Variants in GALNT9 observed in about 807,000 individuals in gnomAD.
The protein encoded by GALNT9 is polypeptide N-acetylgalactosaminyltransferase 9, also known as GalNAc transferase 9.
In GALNT9, 47 loss-of-function variants were observed where a neutral mutation model predicts 63.1. The ratio of observed to expected loss-of-function variants is 0.75; its 90% CI spans 0.59 to 0.95. The LOEUF (loss-of-function observed/expected upper bound fraction) is 0.95. Ranked by LOEUF, GALNT9 falls within the 40% of genes least tolerant of loss-of-function variation. GALNT9 has a pLI of 0.00. For synonymous variants in GALNT9, 396 were observed against 365.7 expected (o/e 1.08, Z -0.94); for missense variants, 829 against 874.8 (o/e 0.95, Z 0.66).
At chr12:132,204,540 C>A (rs1406459442) in intron 6 of GALNT9, among the ~76,000 whole-genome samples, 1 of 152,278 alleles carries the variant, frequency 6.6e-6, no homozygotes, top group Non-Finnish European at 1.5e-5. Flanking sequence ...TGGGTCCTCC[C>A]CTGCCTTCAG....
At chr12:132,251,597 C>G (rs1364893676) in intron 5 of GALNT9, among the ~76,000 whole-genome samples, 1 of 152,240 alleles carries the variant, frequency 6.6e-6, no homozygotes, top group Non-Finnish European at 1.5e-5. Context: ...GGAGAGGTCT[C>G]AGGGACAGCA....
At chr12:132,226,298 C>T (rs982973277) in intron 6 of GALNT9, among the ~76,000 whole-genome samples, 11 of 148,864 alleles carry the variant, frequency 7.4e-5, no homozygotes, top group Admixed American at 2.0e-4. Flanking sequence ...CTCATACACA[C>T]CATATACACG....
intron 1 of GALNT9, among the ~76,000 whole-genome samples, chr12:132,297,474 A>G (rs1555243365): frequency 6.6e-6 from 1 of 151,240 alleles, no homozygotes; most frequent in Non-Finnish European, 1.5e-5. Flanking sequence ...TGAGATGACC[A>G]AGTCACTCCT....
At position 132,326,704 on chromosome 12, in the gene GALNT9, C is replaced by T. The variant is rs1420720642; in HGVS notation, c.238+2262G>A. Among the ~76,000 whole-genome samples, 2 of 152,326 alleles carry T rather than the reference C, an allele frequency of 1.3e-5. 1 individual carries two copies. Among genetic ancestry groups the T allele is most frequent in the South Asian group, 4.1e-4 (2 of 4,828 alleles). The stretch of plus-strand genomic sequence containing the variant: ...GATTTCCCCCTCTCCTTTCTGAACT[C>T]GGATGGATTAGTATCGAGTGGGAGC... On this transcript the variant is annotated intron_variant, in intron 1 of 10. Coordinates refer to ENST00000328957, the MANE Select transcript of GALNT9 (RefSeq NM_001122636.2).
chr12:132,285,355 C>A (rs529308871), intron 2 of GALNT9, among the ~76,000 whole-genome samples: 3 of 152,260 alleles, frequency 2.0e-5, no homozygotes, highest in Non-Finnish European at 2.9e-5. Context: ...GCTGGCCAAG[C>A]CTGCCAGTCG....
In GALNT9 at chr12:132,260,976, C is replaced by A; in HGVS notation, c.733G>T (p.Asp245Tyr). The change falls in exon 4 of 11, where the codon GAT becomes TAT. Residue 245 changes from aspartate to tyrosine, a missense_variant. Transcript: ENST00000328957. ...AATAPVVGFF[D>Y]AHVEFNTGWA... Reference sequence around the variant, plus strand: ...CCCGTGTTGAACTCGACGTGGGCATCAAAGAAGCCGACGACTGGGGCGGTG... The same window carrying A: ...CCCGTGTTGAACTCGACGTGGGCATAAAAGAAGCCGACGACTGGGGCGGTG... 6.5e-7 allele frequency: 1 copy of A among 1,547,498 alleles called. No individual in the cohort carries two copies. Among genetic ancestry groups the A allele is most frequent in the Admixed American group, 2.0e-5 (1 of 49,842 alleles).
At chr12:132,230,942 GA>G (rs1168231510) in intron 6 of GALNT9, among the ~76,000 whole-genome samples, 1 of 152,220 alleles carries the variant, frequency 6.6e-6, no homozygotes, top group Non-Finnish European at 1.5e-5. Flanking sequence ...CTGGGCACTG[GA>G]AAAGTAGTGA....
intron 1 of GALNT9, among the ~76,000 whole-genome samples, chr12:132,318,030 C>A (rs1466750501): frequency 1.3e-5 from 2 of 152,156 alleles, no homozygotes; most frequent in African/African-American, 4.8e-5. Flanking sequence ...CACTTGAGCT[C>A]AGGAGTTCGA....
chr12:132,294,763 C>T (rs573960918), intron 1 of GALNT9, among the ~76,000 whole-genome samples: 17 of 97,918 alleles, frequency 1.7e-4, no homozygotes, highest in South Asian at 8.5e-4. Context: ...TTCCCAGTCA[C>T]GTTCCCTGGA....
intron 6 of GALNT9, chr12:132,247,685 C>T (rs781816024): frequency 1.3e-5 from 9 of 674,348 alleles, no homozygotes; most frequent in African/African-American, 8.5e-5. Context: ...ATGCCGTGGC[C>T]GCACTCGCCC....
chr12:132,259,447 T>C (rs1248579215), intron 4 of GALNT9, among the ~76,000 whole-genome samples: 4 of 152,050 alleles, frequency 2.6e-5, no homozygotes, highest in African/African-American at 9.7e-5. Flanking sequence ...CAGAAGCTGA[T>C]AAACATCGAG....
At position 132,319,372 on chromosome 12, in the gene GALNT9, C is replaced by T; in HGVS notation, c.238+9594G>A. On this transcript the variant is annotated intron_variant, in intron 1 of 10. Transcript: ENST00000328957. This position sits in a 1 kb window ranked among gnomAD's most constrained non-coding sequence, Gnocchi z 5.2. The stretch of plus-strand genomic sequence containing the variant: ...GAGCTGAGACCTCCCTCTGCTCCTG[C>T]CTGTGGACATCGGGTGGAGCTGCCA... 6.6e-6 allele frequency among the ~76,000 whole-genome samples: 1 copy of T among 152,270 alleles called. No homozygotes were observed. The highest frequency in any genetic ancestry group is 1.5e-5 in the Non-Finnish European group (1 of 68,010).
At position 132,244,251 on chromosome 12, in the gene GALNT9, G is replaced by T. The variant is rs1555237803; in HGVS notation, c.1077+3659C>A. The stretch of plus-strand genomic sequence containing the variant: ...AGCATCTGAGGGCCCGGCAGGGCTG[G>T]GGCTAGACGGGGGATGTGGTGATGG... On this transcript the variant is annotated intron_variant, in intron 6 of 10. Coordinates refer to ENST00000328957, the MANE Select transcript of GALNT9 (RefSeq NM_001122636.2). Among the ~76,000 whole-genome samples the T allele has an allele frequency of 5.8e-3, 512 of 88,810 alleles. 4 individuals carry two copies. Among genetic ancestry groups the T allele is most frequent in the African/African-American group, 0.025 (484 of 19,368 alleles). 58.3% of individuals were successfully genotyped at this position (88,810 alleles called of 152,430 possible). A position where few individuals can be genotyped will look rare whatever the true frequency, so the allele number is the denominator to read the frequency against.
Position 132,245,580 on chromosome 12 carries a change from G to A in GALNT9, c.1077+2330C>T, listed in dbSNP as rs28577090. The stretch of plus-strand genomic sequence containing the variant: ...GCCCAGCCAGGGCCCTCCGTGGTCC[G>A]GCACCCACACCCCCAGCCCAGCCTG... On this transcript the variant is annotated intron_variant, in intron 6 of 10. Transcript: ENST00000328957. This position sits in a 1 kb window ranked among gnomAD's most constrained non-coding sequence, Gnocchi z 6.3. 1.4e-4 allele frequency among the ~76,000 whole-genome samples: 19 copies of A among 135,220 alleles called. 1 individual carries two copies. Among genetic ancestry groups the A allele is most frequent in the Non-Finnish European group, 2.3e-4 (15 of 65,882 alleles). 88.7% of individuals were successfully genotyped at this position (135,220 alleles called of 152,430 possible).
At chr12:132,284,293 GCACACAA>G (rs1880500541) in intron 2 of GALNT9, 2 of 150,010 alleles carry the variant, frequency 1.3e-5, no homozygotes, top group Non-Finnish European at 3.0e-5. Context: ...ACACCCACCC[GCACACAA>G]CGCGCGCGCA....
At chr12:132,288,785 G>A (rs1478372696) in intron 1 of GALNT9, among the ~76,000 whole-genome samples, 1 of 147,402 alleles carries the variant, frequency 6.8e-6, no homozygotes, top group Non-Finnish European at 1.5e-5. Context: ...ACGGCTGCCC[G>A]ATGCCCAGCG....
rs1880602937 is a variant in GALNT9 at position 132,286,572 on chromosome 12, C to A, written c.239-142G>T. 2.3e-6 allele frequency: 3 copies of A among 1,320,038 alleles called. No individual in the cohort carries two copies. The highest frequency in any genetic ancestry group is 5.7e-5 in the Admixed American group (2 of 34,974). 81.8% of individuals were successfully genotyped at this position (1,320,038 alleles called of 1,614,324 possible). ...AAACTCCCTGCAGATGGCAGGCTGC[C>A]AGCTCAGGACATTCCAGAAAGTGCA... On this transcript the variant is annotated intron_variant, in intron 1 of 10. Coordinates refer to ENST00000328957, the MANE Select transcript of GALNT9 (RefSeq NM_001122636.2). This position sits in a 1 kb window ranked among gnomAD's most constrained non-coding sequence, Gnocchi z 7.4.
chr12:132,263,240 C>A (rs572421022), intron 2 of GALNT9, among the ~76,000 whole-genome samples: 142 of 152,320 alleles, frequency 9.3e-4, no homozygotes, highest in African/African-American at 3.2e-3. Flanking sequence ...AAGGGCTGTG[C>A]GCCACCATCA....
intron 5 of GALNT9, among the ~76,000 whole-genome samples, chr12:132,251,106 C>T (rs1300038317): frequency 6.6e-6 from 1 of 152,210 alleles, no homozygotes; most frequent in South Asian, 2.1e-4. Flanking sequence ...AAGACCCAAG[C>T]GGTGACCGGC....
Sources: allele counts gnomAD v4.1 joint callset (sites outside exome capture counted in the v4.1 genomes callset), GRCh38; gene constraint gnomAD v4.1.1; non-coding constraint Gnocchi (gnomAD v3.1); transcripts MANE v1.5; gene names NCBI Gene and HGNC (gene_info 2026-07-23, HGNC 2026-07-21).